Variants in TANGO6 observed in about 807,000 individuals in gnomAD.
TANGO6 encodes the protein transport and golgi organization 6 homolog.
Under a neutral mutation model 114.2 loss-of-function variants are expected in TANGO6, and 90 were observed. That is an observed-to-expected ratio of 0.79 (90% CI 0.66 to 0.94). The LOEUF (loss-of-function observed/expected upper bound fraction) is 0.94. TANGO6 is among the 40% of genes least tolerant of loss of function. The pLI is 0.00. For synonymous variants in TANGO6, 477 were observed against 509.8 expected, an observed-to-expected ratio of 0.94 and a Z score of 0.87; for missense variants, 1,274 against 1,315.3, an observed-to-expected ratio of 0.97 and a Z score of 0.49.
chr16:69,014,964 A>T (rs1959264285), intron 15 of TANGO6, among the ~76,000 whole-genome samples: 1 of 152,092 alleles, frequency 6.6e-6, no homozygotes, highest in Admixed American at 6.5e-5. Flanking sequence ...TTCAATGCCT[A>T]TGCCAAATTG....
At chr16:68,899,456 T>C (rs1001874580) in intron 7 of TANGO6, among the ~76,000 whole-genome samples, 13 of 151,956 alleles carry the variant, frequency 8.6e-5, no homozygotes, top group African/African-American at 2.2e-4. Context: ...AAGGTACAAC[T>C]AAAACATGCA....
At chr16:68,995,603 C>T (rs1246010240) in intron 15 of TANGO6, among the ~76,000 whole-genome samples, 1 of 152,124 alleles carries the variant, frequency 6.6e-6, no homozygotes, top group Non-Finnish European at 1.5e-5. Context: ...ATTTTTTCTC[C>T]TCTCCAGACT....
chr16:69,036,107 TA>T (rs1460767837), intron 16 of TANGO6: 1 of 148,010 alleles, frequency 6.8e-6, no homozygotes, highest in Non-Finnish European at 1.5e-5. Flanking sequence ...ATAGAAATAA[TA>T]CACCAGTTCA....
At position 68,843,639 on chromosome 16, in the gene TANGO6, G is replaced by A; in HGVS notation, c.22G>A (p.Gly8Ser). The A allele has an allele frequency of 1.2e-6, 2 of 1,613,690 alleles. No individual in the cohort carries two copies. The highest frequency in any genetic ancestry group is 1.7e-6 in the Non-Finnish European group (2 of 1,179,698). The change falls in exon 1 of 18, where the codon GGC becomes AGC. Residue 8 changes from glycine to serine, a missense_variant. This residue lies in a region of TANGO6 where 114 missense variants were observed against 104.6 expected (regional missense o/e 1.09). Coordinates refer to ENST00000261778, the MANE Select transcript of TANGO6 (RefSeq NM_024562.2). The stretch of plus-strand genomic sequence containing the variant: ...AGTCATGGCGGCCCGACAGGCCGTG[G>A]GCAGCGGGGCTCAGGAGACATGCGG... MAARQAV[G>S]SGAQETCGLD...
intron 14 of TANGO6, among the ~76,000 whole-genome samples, chr16:68,964,294 T>C (rs1963622789): frequency 6.6e-6 from 1 of 151,902 alleles, no homozygotes; most frequent in Non-Finnish European, 1.5e-5. Flanking sequence ...ATTAAAAAAT[T>C]AAAAGTAAAA....
At chr16:68,898,773 A>C (rs947213609) in intron 7 of TANGO6, among the ~76,000 whole-genome samples, 2 of 152,190 alleles carry the variant, frequency 1.3e-5, no homozygotes, top group Non-Finnish European at 2.9e-5. Context: ...AACATACACC[A>C]TGAGCATAAT....
At chr16:69,020,958 C>T (rs868609966) in intron 15 of TANGO6, among the ~76,000 whole-genome samples, 6 of 137,242 alleles carry the variant, frequency 4.4e-5, no homozygotes, top group South Asian at 2.2e-4. Flanking sequence ...TGTGTGTATG[C>T]GGAATCTTCT....
At chr16:68,969,550 C>G (rs1453895239) in intron 14 of TANGO6, among the ~76,000 whole-genome samples, 1 of 151,992 alleles carries the variant, frequency 6.6e-6, no homozygotes, top group African/African-American at 2.4e-5. Flanking sequence ...AACAGGCCAG[C>G]AGGAAGATAA....
intron 16 of TANGO6, among the ~76,000 whole-genome samples, chr16:69,032,563 C>T (rs1272095778): frequency 6.6e-6 from 1 of 151,888 alleles, no homozygotes; most frequent in South Asian, 2.1e-4. Flanking sequence ...CCACAATGTC[C>T]AGCCGATCTA....
At chr16:69,044,400 C>A (rs74753623) in intron 17 of TANGO6, among the ~76,000 whole-genome samples, 7,459 of 152,130 alleles carry the variant, frequency 0.049, 214 homozygotes, top group Non-Finnish European at 0.07. Flanking sequence ...GTTTGGTGGG[C>A]TACCTGAAAT....
At chr16:69,059,054 C>G (rs1056464096) in intron 17 of TANGO6, among the ~76,000 whole-genome samples, 20 of 151,318 alleles carry the variant, frequency 1.3e-4, no homozygotes, top group Non-Finnish European at 2.8e-4. Context: ...ATTACAGGCA[C>G]CCATTACCAT....
intron 4 of TANGO6, among the ~76,000 whole-genome samples, chr16:68,874,071 C>G (rs1435209578): frequency 6.6e-6 from 1 of 152,178 alleles, no homozygotes; most frequent in African/African-American, 2.4e-5. Context: ...CCCCCTACTC[C>G]TTTCTGGTGG....
intron 14 of TANGO6, among the ~76,000 whole-genome samples, chr16:68,957,217 C>T (rs1963539517): frequency 6.6e-6 from 1 of 151,930 alleles, no homozygotes; most frequent in Admixed American, 6.6e-5. Flanking sequence ...TAAAAATCTA[C>T]AATTCAGTGT....
At chr16:68,888,675 A>C (rs1164268376) in intron 7 of TANGO6, among the ~76,000 whole-genome samples, 1 of 152,184 alleles carries the variant, frequency 6.6e-6, no homozygotes, top group Non-Finnish European at 1.5e-5. Context: ...AATTACAGCT[A>C]TTCTGTCAGA....
intron 14 of TANGO6, among the ~76,000 whole-genome samples, chr16:68,954,160 G>A (rs2041395032): frequency 6.7e-6 from 1 of 148,164 alleles, no homozygotes; most frequent in South Asian, 2.1e-4. Flanking sequence ...TGAGGCAGGA[G>A]AATTGCTTCA....
At chr16:68,874,760 C>T (rs1441159743) in intron 4 of TANGO6, among the ~76,000 whole-genome samples, 7 of 152,022 alleles carry the variant, frequency 4.6e-5, no homozygotes, top group Admixed American at 2.0e-4. Context: ...CCAGCCTGGC[C>T]AACATGGCAA....
At chr16:68,924,540 C>T (rs1174910709) in intron 12 of TANGO6, among the ~76,000 whole-genome samples, 1 of 151,198 alleles carries the variant, frequency 6.6e-6, no homozygotes, top group Non-Finnish European at 1.5e-5. Context: ...GTAATCCCAG[C>T]ACTTTGGGAG....
chr16:69,019,556 C>A (rs1959365921), intron 15 of TANGO6, among the ~76,000 whole-genome samples: 1 of 152,226 alleles, frequency 6.6e-6, no homozygotes, highest in Non-Finnish European at 1.5e-5. Flanking sequence ...CTCTTCCTTC[C>A]AAGGGACTGA....
intron 17 of TANGO6, among the ~76,000 whole-genome samples, chr16:69,063,398 G>A (rs1321124554): frequency 6.6e-6 from 1 of 151,878 alleles, no homozygotes; most frequent in African/African-American, 2.4e-5. Context: ...GATGGCAGGC[G>A]CCTGTAGTCT....
Sources: allele counts gnomAD v4.1 joint callset (sites outside exome capture counted in the v4.1 genomes callset), GRCh38; gene constraint gnomAD v4.1.1; regional missense constraint gnomAD v4.1.1; transcripts MANE v1.5; gene names NCBI Gene and HGNC (gene_info 2026-07-23, HGNC 2026-07-21).